ITFG1: variants seen among roughly 807,000 people sequenced by gnomAD.
The protein encoded by ITFG1 is T-cell immunomodulatory protein.
Under a neutral mutation model 81.8 loss-of-function variants are expected in ITFG1, and 34 were observed. That is an observed-to-expected ratio of 0.42 (90% CI 0.32 to 0.55). The LOEUF (loss-of-function observed/expected upper bound fraction) is 0.55, where lower values mean the gene tolerates loss of function less well. Among genes scored for constraint, ITFG1 ranks in the 20% least tolerant of loss-of-function variants. The pLI, the probability that ITFG1 is intolerant of heterozygous loss-of-function variation, is 0.17. For synonymous variants in ITFG1, 285 were observed against 270.6 expected, an observed-to-expected ratio of 1.05 and a Z score of -0.52; for missense variants, 672 against 755.4, an observed-to-expected ratio of 0.89 and a Z score of 1.29.
intron 12 of ITFG1, among the ~76,000 whole-genome samples, chr16:47,257,480 T>G (rs765473772): frequency 6.6e-6 from 1 of 152,052 alleles, no homozygotes; most frequent in African/African-American, 2.4e-5. Flanking sequence ...ACTACTAGCA[T>G]GGGTGGGAAC....
intron 2 of ITFG1, 104 bp downstream of exon 2, chr16:47,458,999 A>G (rs1484150060): frequency 1.4e-6 from 1 of 700,538 alleles, no homozygotes; most frequent in Non-Finnish European, 2.5e-6. Context: ...GTGGTTTTGC[A>G]TCCCAACACT....
rs775061751 is a variant in ITFG1, at chr16:47,155,688, A to G, written c.*31T>C. 1.1e-5 allele frequency: 16 copies of G among 1,480,920 alleles called. No homozygotes were observed. The East Asian group carries it at 3.7e-4, about 34-fold the overall frequency. The allele number at this position is 1,480,920 out of a possible 1,614,324, so 91.7% of individuals were successfully genotyped here. A position where few individuals can be genotyped will look rare whatever the true frequency, so the allele number is the denominator to read the frequency against. ...TTGTGTTTCAACTAATCAAGTGAAC[A>G]GCCATTCCATTATGTAATATTAAAG... On this transcript the variant is annotated 3_prime_UTR_variant, in exon 18 of 18. Coordinates refer to ENST00000320640, the MANE Select transcript of ITFG1 (RefSeq NM_030790.5).
chr16:47,388,087 C>T (rs1440605057), intron 6 of ITFG1, among the ~76,000 whole-genome samples: 3 of 151,946 alleles, frequency 2.0e-5, no homozygotes, highest in East Asian at 3.8e-4. Flanking sequence ...AGGGGCTCAA[C>T]GTTAGCTTTG....
At chr16:47,264,070 T>C (rs974471337) in intron 10 of ITFG1, among the ~76,000 whole-genome samples, 1 of 152,214 alleles carries the variant, frequency 6.6e-6, no homozygotes, top group Non-Finnish European at 1.5e-5. Context: ...ATAACTAATA[T>C]ATCTTAAACA....
intron 14 of ITFG1, among the ~76,000 whole-genome samples, chr16:47,186,445 G>T (rs1480629275): frequency 2.6e-5 from 4 of 152,144 alleles, no homozygotes; most frequent in Non-Finnish European, 4.4e-5. Flanking sequence ...GGGATGCAAG[G>T]CTGGTTCAAT....
At chr16:47,334,247 A>C (rs1967673891) in intron 8 of ITFG1, among the ~76,000 whole-genome samples, 1 of 151,982 alleles carries the variant, frequency 6.6e-6, no homozygotes, top group South Asian at 2.1e-4. Context: ...CCAGGAGTTC[A>C]AGACAAGCCT....
chr16:47,291,917 T>C (rs370518725), intron 10 of ITFG1, among the ~76,000 whole-genome samples: 1 of 152,216 alleles, frequency 6.6e-6, no homozygotes, highest in East Asian at 1.9e-4. Context: ...GTTTCCGTAA[T>C]ATCATTATTT....
chr16:47,415,415 C>T (rs753354982), intron 6 of ITFG1, among the ~76,000 whole-genome samples: 3 of 152,040 alleles, frequency 2.0e-5, no homozygotes, highest in Non-Finnish European at 4.4e-5. Flanking sequence ...GATCAGGTTA[C>T]TATAAAGAAT....
At chr16:47,157,043 T>C (rs1964722566) in intron 17 of ITFG1, among the ~76,000 whole-genome samples, 1 of 152,128 alleles carries the variant, frequency 6.6e-6, no homozygotes, top group East Asian at 1.9e-4. Context: ...GCAGTAGGAA[T>C]GTAGAAGTGG....
chr16:47,202,997 G>T (rs1350152958), intron 14 of ITFG1, among the ~76,000 whole-genome samples: 2 of 152,002 alleles, frequency 1.3e-5, no homozygotes, highest in Admixed American at 1.3e-4. Flanking sequence ...GTCTGCTTTT[G>T]GGTATATACC....
intron 14 of ITFG1, among the ~76,000 whole-genome samples, chr16:47,211,254 T>C (rs1965557613): frequency 6.6e-6 from 1 of 152,254 alleles, no homozygotes; most frequent in Non-Finnish European, 1.5e-5. Context: ...GTTAAATTTA[T>C]ACTTAAGTAT....
rs533077508 is a variant in ITFG1, at chr16:47,273,717, TC to T, written c.1071-13023del. On this transcript the variant is annotated intron_variant, in intron 10 of 17. Transcript: ENST00000320640. ...CACTGTGACTGCTGAAAAGTTTCTG[TC>T]AAATAGGTGAGTAGAAAATATTTTG... 5.3e-5 allele frequency among the ~76,000 whole-genome samples: 8 copies of T among 152,328 alleles called. No homozygotes were observed. In the East Asian group the frequency reaches 1.3e-3, roughly 26 times the overall value.
chr16:47,394,230 T>C (rs1968567132), intron 6 of ITFG1, among the ~76,000 whole-genome samples: 2 of 152,220 alleles, frequency 1.3e-5, no homozygotes, highest in Admixed American at 6.5e-5. Context: ...ATCTGGAAGA[T>C]ACAGTCTGTG....
At chr16:47,455,875 A>T (rs1969446383) in intron 2 of ITFG1, among the ~76,000 whole-genome samples, 1 of 152,046 alleles carries the variant, frequency 6.6e-6, no homozygotes, top group Non-Finnish European at 1.5e-5. Context: ...TGATAAAAAT[A>T]AGAAACAGAT....
chr16:47,217,985 A>C (rs1309327147), intron 14 of ITFG1: 1 of 152,212 alleles, frequency 6.6e-6, no homozygotes, highest in Admixed American at 6.5e-5. Context: ...TTTTTAAAAA[A>C]ATTTTGTTAT....
intron 13 of ITFG1, among the ~76,000 whole-genome samples, chr16:47,222,994 C>T (rs1025477913): frequency 6.6e-6 from 1 of 151,816 alleles, no homozygotes. Flanking sequence ...AAAGGATTCC[C>T]TATTTAATAA....
intron 6 of ITFG1, among the ~76,000 whole-genome samples, chr16:47,415,699 T>C (rs1247749075): frequency 2.0e-5 from 3 of 152,070 alleles, no homozygotes; most frequent in Non-Finnish European, 4.4e-5. Context: ...GATCCAATCA[T>C]CCAATGATAA....
Position 47,454,140 on chromosome 16 carries a change from T to C in ITFG1, c.300A>G (p.Ile100Met), listed in dbSNP as rs745554847. The C allele has an allele frequency of 1.9e-6, 3 of 1,606,238 alleles. No individual in the cohort carries two copies. The highest frequency in any genetic ancestry group is 1.7e-4 in the Middle Eastern group (1 of 6,048). The change falls in exon 3 of 18, where the codon ATA (isoleucine) becomes ATG (methionine). Residue 100 changes from isoleucine (I) to methionine (M), a missense_variant. Physicochemically the swap from Ile to Met is conservative, Grantham distance 10. Coordinates refer to ENST00000320640, the MANE Select transcript of ITFG1 (RefSeq NM_030790.5). ...KVSFKNHSAL[I>M]TSVVPGDYDG... ...CATAATCCCCAGGGACTACACTTGTTATCAATGCACTGTGATTCCTAAAAG... is the reference window on the plus strand; with the variant it reads ...CATAATCCCCAGGGACTACACTTGTCATCAATGCACTGTGATTCCTAAAAG...
At chr16:47,377,593 C>G (rs1968343320) in intron 6 of ITFG1, among the ~76,000 whole-genome samples, 1 of 152,132 alleles carries the variant, frequency 6.6e-6, no homozygotes, top group Admixed American at 6.5e-5. Flanking sequence ...CTCTGTAGTA[C>G]CTTTCCACCT....
Sources: gnomAD v4.1 joint callset for allele counts (sites outside exome capture counted in the v4.1 genomes callset) on GRCh38, gnomAD v4.1.1 for gene constraint, MANE v1.5 for transcripts, NCBI Gene and HGNC (gene_info 2026-07-23, HGNC 2026-07-21) for gene names.